BNC2: variants seen among roughly 807,000 people sequenced by gnomAD.
The protein encoded by BNC2 is basonuclin zinc finger protein 2.
BNC2 carries 20 observed loss-of-function variants against 76.3 expected under a neutral mutation model. The observed-to-expected ratio is 0.26, with a 90% confidence interval of 0.18 to 0.38. BNC2 has a LOEUF of 0.38. Ranked by LOEUF, BNC2 falls within the 10% of genes least tolerant of loss-of-function variation. The pLI, the probability that BNC2 is intolerant of heterozygous loss-of-function variation, is 1.00. For missense variants in BNC2, 1,382 were observed against 1,399.8 expected, an observed-to-expected ratio of 0.99 and a Z score of 0.20; for synonymous variants, 582 against 514.8, an observed-to-expected ratio of 1.13 and a Z score of -1.77.
At position 16,435,616 on chromosome 9, in the gene BNC2, T is replaced by C; in HGVS notation, c.2578A>G (p.Met860Val). Residue 860 changes from methionine to valine, a missense_variant, in exon 6 of 7, where the codon ATG becomes GTG. This residue lies in a region of BNC2 where 798 missense variants were observed against 775.5 expected (regional missense o/e 1.03). Transcript: ENST00000380672. ...CAACCAGCCACTGTGCAGACGTGCA[T>C]CTCTTTCAAGTGAACGTTCCTGTAG... is the stretch of plus-strand genomic sequence containing the variant. ...LHYRNVHLKE[M>V]HVCTVAGCNA... is the part of the protein sequence containing the mutation. The C allele has an allele frequency of 2.5e-6, 4 of 1,613,980 alleles. No individual in the cohort carries two copies. Among genetic ancestry groups the C allele is most frequent in the Non-Finnish European group, 3.4e-6 (4 of 1,179,946 alleles).
intron 1 of BNC2, among the ~76,000 whole-genome samples, chr9:16,796,639 G>C (rs1358811640): frequency 7.1e-6 from 1 of 140,800 alleles, no homozygotes; most frequent in Admixed American, 7.1e-5. Flanking sequence ...GAAAGGGAAA[G>C]GAAAGGAAAG....
At chr9:16,479,249 C>CAAAAA (rs772198451) in intron 5 of BNC2, among the ~76,000 whole-genome samples, 6 of 64,582 alleles carry the variant, frequency 9.3e-5, no homozygotes, top group Non-Finnish European at 1.4e-4. Flanking sequence ...GACTCTGTCT[C>CAAAAA]AAAAAAAAAA....
rs530683831 is a variant in BNC2, at chr9:16,576,965, T to C, written c.433+6018A>G. 2.6e-5 allele frequency among the ~76,000 whole-genome samples: 4 copies of C among 152,292 alleles called. No homozygotes were observed. The South Asian group carries it at 8.3e-4, about 32-fold the overall frequency. ...GTTGGCCAGGATGGTCTCAATCTCC[T>C]GACCTCCTGATCCACCTGCCTCGGC... On this transcript the variant is annotated intron_variant, in intron 4 of 6. Coordinates refer to ENST00000380672, the MANE Select transcript of BNC2 (RefSeq NM_017637.6).
At chr9:16,589,017 T>A (rs186348848) in intron 3 of BNC2, among the ~76,000 whole-genome samples, 1 of 152,294 alleles carries the variant, frequency 6.6e-6, no homozygotes, top group East Asian at 1.9e-4. Flanking sequence ...AATAGAAGCA[T>A]AAAGCACATA....
At chr9:16,852,470 G>C (rs1819151300) in intron 1 of BNC2, among the ~76,000 whole-genome samples, 1 of 152,106 alleles carries the variant, frequency 6.6e-6, no homozygotes, top group Non-Finnish European at 1.5e-5. Flanking sequence ...TATTCACAAG[G>C]ACAATCATAT....
At chr9:16,654,725 T>C (rs1052307450) in intron 3 of BNC2, among the ~76,000 whole-genome samples, 10 of 152,120 alleles carry the variant, frequency 6.6e-5, no homozygotes, top group African/African-American at 2.4e-4. Context: ...CCAAATTTAT[T>C]TTCCAGAGCC....
chr9:16,813,401 G>A (rs954724920), intron 1 of BNC2, among the ~76,000 whole-genome samples: 4 of 151,398 alleles, frequency 2.6e-5, no homozygotes, highest in Non-Finnish European at 5.9e-5. Flanking sequence ...GAGTAGCTGG[G>A]ACTACAGGCG....
chr9:16,828,927 C>T (rs1048567667), intron 1 of BNC2, among the ~76,000 whole-genome samples: 6 of 151,670 alleles, frequency 4.0e-5, no homozygotes, highest in African/African-American at 1.5e-4. Flanking sequence ...CAGCGTATGA[C>T]TAGATGGCCC....
chr9:16,419,306 C>A lies in BNC2; in HGVS notation c.2983G>T (p.Gly995Trp). Residue 995 changes from glycine to tryptophan, a missense_variant, in exon 7 of 7, where the codon GGG becomes TGG. Gly to Trp is a radical substitution (Grantham distance 184). Coordinates refer to ENST00000380672, the MANE Select transcript of BNC2 (RefSeq NM_017637.6). ...GCCGACTCCCCACTGTCACTCGCCC[C>A]GTCAATGTCATCGAGAAGAATCCCC... Reference protein sequence around the residue: ...DEGILLDDIDGASDSGESAHK... With the variant: ...DEGILLDDIDWASDSGESAHK... 2 of 1,613,776 alleles carry A rather than the reference C, an allele frequency of 1.2e-6. No homozygotes were observed. The highest frequency in any genetic ancestry group is 1.7e-6 in the Non-Finnish European group (2 of 1,179,752).
intron 5 of BNC2, among the ~76,000 whole-genome samples, chr9:16,531,485 GT>G (rs1487633873): frequency 1.3e-5 from 2 of 151,736 alleles, no homozygotes; most frequent in East Asian, 1.9e-4. Flanking sequence ...AGAGACACTG[GT>G]CTGTGAAGCC....
At chr9:16,868,614 G>C (rs942598313) in intron 1 of BNC2, among the ~76,000 whole-genome samples, 3 of 152,164 alleles carry the variant, frequency 2.0e-5, no homozygotes, top group African/African-American at 7.2e-5. Context: ...CAAAGTTCAG[G>C]TTCAAGCTCG....
chr9:16,836,756 A>G (rs1818716898), intron 1 of BNC2, among the ~76,000 whole-genome samples: 2 of 152,160 alleles, frequency 1.3e-5, no homozygotes, highest in African/African-American at 4.8e-5. Flanking sequence ...TTATCTAATA[A>G]TACTTTTTTT....
At chr9:16,851,528 A>C (rs1407481644) in intron 1 of BNC2, among the ~76,000 whole-genome samples, 1 of 152,108 alleles carries the variant, frequency 6.6e-6, no homozygotes, top group Non-Finnish European at 1.5e-5. Context: ...ATAAAATGAA[A>C]ACATAACTAG....
intron 5 of BNC2, among the ~76,000 whole-genome samples, chr9:16,537,114 T>G (rs1428268423): frequency 1.3e-5 from 2 of 152,048 alleles, no homozygotes; most frequent in Admixed American, 6.6e-5. Context: ...AGCTCCAGAT[T>G]TAACATAATT....
intron 3 of BNC2, among the ~76,000 whole-genome samples, chr9:16,719,933 G>A (rs1824099424): frequency 6.6e-6 from 1 of 152,158 alleles, no homozygotes; most frequent in Non-Finnish European, 1.5e-5. Context: ...AGCTCGTGTA[G>A]AAGTCTAACT....
At chr9:16,816,833 A>C (rs1394367312) in intron 1 of BNC2, among the ~76,000 whole-genome samples, 1 of 152,144 alleles carries the variant, frequency 6.6e-6, no homozygotes, top group African/African-American at 2.4e-5. Flanking sequence ...TTATCCTATA[A>C]TTCAATCTAG....
intron 5 of BNC2, among the ~76,000 whole-genome samples, chr9:16,454,817 T>C (rs1821413563): frequency 6.6e-6 from 1 of 152,208 alleles, no homozygotes; most frequent in Non-Finnish European, 1.5e-5. Context: ...CATAATATAC[T>C]CAGAAATAAG....
intron 3 of BNC2, among the ~76,000 whole-genome samples, chr9:16,703,985 T>A (rs868416649): frequency 1.3e-5 from 2 of 152,186 alleles, no homozygotes; most frequent in Non-Finnish European, 2.9e-5. Context: ...AAAGAAAGAA[T>A]TAAGGTTTGA....
At chr9:16,722,323 G>T (rs1315595771) in intron 3 of BNC2, among the ~76,000 whole-genome samples, 1 of 152,200 alleles carries the variant, frequency 6.6e-6, no homozygotes, top group Non-Finnish European at 1.5e-5. Flanking sequence ...GATTTGCCGT[G>T]GCTCTTAACC....
Sources: gnomAD v4.1 joint callset for allele counts (sites outside exome capture counted in the v4.1 genomes callset) on GRCh38, gnomAD v4.1.1 for gene constraint, gnomAD v4.1.1 regional missense constraint, MANE v1.5 for transcripts, NCBI Gene and HGNC (gene_info 2026-07-23, HGNC 2026-07-21) for gene names.